The following ARHGAP28 variants were observed in gnomAD, a reference collection of about 807,000 sequenced individuals.
The protein encoded by ARHGAP28 is rho GTPase-activating protein 28.
A neutral mutation model predicts 90.7 loss-of-function variants in ARHGAP28; 56 were observed. That is an observed-to-expected ratio of 0.62 (90% confidence interval 0.50 to 0.77). The LOEUF is 0.77. Among genes scored for constraint, ARHGAP28 ranks in the 30% least tolerant of loss-of-function variants. The pLI is 0.00. For missense variants in ARHGAP28, 869 were observed against 900.9 expected, an observed-to-expected ratio of 0.96 and a Z score of 0.45; for synonymous variants, 308 against 323.3, an observed-to-expected ratio of 0.95 and a Z score of 0.51.
intron 1 of ARHGAP28, among the ~76,000 whole-genome samples, chr18:6,735,900 C>G (rs1426202597): frequency 6.6e-6 from 1 of 152,098 alleles, no homozygotes; most frequent in Non-Finnish European, 1.5e-5. Flanking sequence ...AATATTGGGT[C>G]CCTCTGAGGG....
intron 16 of ARHGAP28, among the ~76,000 whole-genome samples, chr18:6,898,877 G>A (rs1019981507): frequency 8.6e-5 from 13 of 151,912 alleles, no homozygotes; most frequent in African/African-American, 2.7e-4. Context: ...ACTTTGGGGA[G>A]TCAGGGGCAA....
At chr18:6,907,948 G>A (rs1172087740) in intron 16 of ARHGAP28, among the ~76,000 whole-genome samples, 1 of 152,116 alleles carries the variant, frequency 6.6e-6, no homozygotes, top group Non-Finnish European at 1.5e-5. Context: ...ACAGTGGAGA[G>A]GCCAGGACAA....
At chr18:6,732,739 A>T (rs2055893374) in intron 1 of ARHGAP28, among the ~76,000 whole-genome samples, 1 of 152,120 alleles carries the variant, frequency 6.6e-6, no homozygotes, top group Non-Finnish European at 1.5e-5. Context: ...CTCAGGCTTG[A>T]GGTCAGATTG....
Position 6,914,817 on chromosome 18 carries a change from T to G in ARHGAP28, c.*2663T>G, listed in dbSNP as rs1008232976. 1 of 152,538 alleles carries G rather than the reference T, an allele frequency of 6.6e-6. No individual in the cohort carries two copies. The highest frequency in any genetic ancestry group is 2.4e-5 in the African/African-American group (1 of 41,448). 9.4% of individuals were successfully genotyped at this position (152,538 alleles called of 1,614,324 possible). ...GCTTATTCAGAAAAAAATCCTAGAG[T>G]TGATTCATTGTTTTCCTCCATCCTG... On this transcript the variant is annotated 3_prime_UTR_variant, in exon 18 of 18. Transcript: ENST00000383472.
intron 10 of ARHGAP28, among the ~76,000 whole-genome samples, chr18:6,881,385 T>G (rs866315436): frequency 7.9e-5 from 12 of 152,300 alleles, no homozygotes; most frequent in Middle Eastern, 6.8e-3. Context: ...AGGTAAACCT[T>G]GTAGTTCAAA....
intron 1 of ARHGAP28, among the ~76,000 whole-genome samples, chr18:6,801,751 C>G (rs149253240): frequency 0.012 from 1,859 of 152,130 alleles, 46 homozygotes; most frequent in African/African-American, 0.042. Context: ...TTTGTCTTTT[C>G]TTTATTCCAG....
intron 2 of ARHGAP28, chr18:6,834,477 A>AGT (rs1285718555): frequency 6.6e-6 from 1 of 152,250 alleles, no homozygotes; most frequent in Non-Finnish European, 1.5e-5. Context: ...AGGAATCCAA[A>AGT]GTAGGCCAGT....
chr18:6,824,933 G>C lies in ARHGAP28; in HGVS notation c.294G>C (p.Glu98Asp). ...IKDSSMGGQE[E>D]PPPAEVTPVD... ...ACAGCAGCATGGGAGGGCAAGAAGAGCCACCGCCAGCTGAGGTCACACCTG... is the reference window on the plus strand; with the variant it reads ...ACAGCAGCATGGGAGGGCAAGAAGACCCACCGCCAGCTGAGGTCACACCTG... Residue 98 changes from glutamate (E) to aspartate (D), a missense_variant, in exon 2 of 18, where the codon GAG becomes GAC. By Grantham distance (45) the Glu-to-Asp change is conservative (BLOSUM62 2). Coordinates refer to ENST00000383472, the MANE Select transcript of ARHGAP28 (RefSeq NM_001366230.1). The C allele has an allele frequency of 6.5e-7, 1 of 1,535,698 alleles. No homozygotes were observed. Among genetic ancestry groups the C allele is most frequent in the Non-Finnish European group, 8.7e-7 (1 of 1,146,740 alleles).
chr18:6,899,930 CA>C (rs1162923103), intron 16 of ARHGAP28, among the ~76,000 whole-genome samples: 3 of 152,132 alleles, frequency 2.0e-5, no homozygotes, highest in African/African-American at 7.2e-5. Flanking sequence ...GAACAATTGA[CA>C]CTCTGCTTCC....
intron 1 of ARHGAP28, among the ~76,000 whole-genome samples, chr18:6,804,509 A>G (rs1296621045): frequency 1.3e-5 from 2 of 152,020 alleles, no homozygotes; most frequent in Non-Finnish European, 2.9e-5. Flanking sequence ...TTCTCTTTTA[A>G]GATCAAAGCT....
In ARHGAP28 at chr18:6,730,221, G is replaced by GTATGTATATATATATATATATATATATA. The variant is rs1555621918; in HGVS notation, c.122+281_122+282insGTATATATATATATATATATATATATAT. Reference sequence around the variant, plus strand: ...GATACGATTTGAGGATAAGTCATGTGTATATATATATATATACCTCATTTC... The same window carrying GTATGTATATATATATATATATATATATA: ...GATACGATTTGAGGATAAGTCATGTGTATGTATATATATATATATATATATATATATATATATATATATACCTCATTTC... On this transcript the variant is annotated intron_variant, in intron 1 of 17. Transcript: ENST00000383472. 7.0e-5 allele frequency: 12 copies of GTATGTATATATATATATATATATATATA among 172,250 alleles called. 1 individual carries two copies. The highest frequency in any genetic ancestry group is 3.5e-4 in the African/African-American group (12 of 34,596). The allele number at this position is 172,250 out of a possible 1,614,324, so 10.7% of individuals were successfully genotyped here.
chr18:6,844,760 GA>G (rs1008685375), intron 3 of ARHGAP28, among the ~76,000 whole-genome samples: 10 of 149,718 alleles, frequency 6.7e-5, no homozygotes, highest in East Asian at 2.0e-4. Flanking sequence ...AAGGAGGTTA[GA>G]AAAAAAAATT....
In ARHGAP28 at chr18:6,915,168, T is replaced by C. The variant is rs973492645; in HGVS notation, c.*3014T>C. 6.6e-6 allele frequency: 1 copy of C among 152,270 alleles called. No homozygotes were observed. Among genetic ancestry groups the C allele is most frequent in the Non-Finnish European group, 1.5e-5 (1 of 68,048 alleles). 9.4% of individuals were successfully genotyped at this position (152,270 alleles called of 1,614,324 possible). On this transcript the variant is annotated 3_prime_UTR_variant, in exon 18 of 18. Coordinates refer to ENST00000383472, the MANE Select transcript of ARHGAP28 (RefSeq NM_001366230.1). ...TATGTGGTATACTCTGAGAGAATTC[T>C]GTGTCCTGCTCATTGTCTTGAGTTT...
At chr18:6,893,867 GT>G (rs5822929) in intron 14 of ARHGAP28, among the ~76,000 whole-genome samples, 85 of 130,802 alleles carry the variant, frequency 6.5e-4, no homozygotes, top group African/African-American at 1.4e-3. Context: ...TTGCTTTTTG[GT>G]TTTTTTTTTT....
intron 2 of ARHGAP28, among the ~76,000 whole-genome samples, chr18:6,830,401 A>C (rs2056706025): frequency 6.6e-6 from 1 of 152,000 alleles, no homozygotes; most frequent in Admixed American, 6.5e-5. Context: ...ACAGATATAC[A>C]CGTGCCATGG....
intron 3 of ARHGAP28, among the ~76,000 whole-genome samples, chr18:6,838,551 T>C (rs973897062): frequency 2.0e-5 from 3 of 152,240 alleles, no homozygotes; most frequent in Non-Finnish European, 2.9e-5. Context: ...GGAAATAGTC[T>C]ACTTCTGTCC....
intron 3 of ARHGAP28, among the ~76,000 whole-genome samples, chr18:6,849,252 C>CAA (rs35080791): frequency 1.1e-4 from 10 of 88,224 alleles, no homozygotes; most frequent in Non-Finnish European, 2.3e-4. Flanking sequence ...GACCTTGTCT[C>CAA]AAAAAAAAAA....
intron 1 of ARHGAP28, among the ~76,000 whole-genome samples, chr18:6,735,645 C>G (rs1366159377): frequency 6.6e-6 from 1 of 151,610 alleles, no homozygotes; most frequent in East Asian, 1.9e-4. Flanking sequence ...GCCTCGACCT[C>G]CTGGACCTAA....
intron 1 of ARHGAP28, among the ~76,000 whole-genome samples, chr18:6,786,280 T>C (rs553899520): frequency 1.3e-5 from 2 of 152,282 alleles, no homozygotes; most frequent in African/African-American, 4.8e-5. Context: ...TCCTTTTCTT[T>C]AGTTTTTAGT....
Sources: gnomAD v4.1 joint callset for allele counts (sites outside exome capture counted in the v4.1 genomes callset) on GRCh38, gnomAD v4.1.1 for gene constraint, MANE v1.5 for transcripts, NCBI Gene and HGNC (gene_info 2026-07-23, HGNC 2026-07-21) for gene names.